The following RYR2 variants were observed in gnomAD, a reference collection of about 807,000 sequenced individuals.
The protein encoded by RYR2 is cardiac muscle ryanodine receptor-calcium release channel.
A neutral mutation model predicts 601.1 loss-of-function variants in RYR2; 227 were observed. That is an observed-to-expected ratio of 0.38 (90% CI 0.34 to 0.42). The LOEUF is 0.42. Among genes scored for constraint, RYR2 ranks in the 10% least tolerant of loss-of-function variants. The pLI, the probability that RYR2 is intolerant of heterozygous loss-of-function variation, is 1.00. For missense variants in RYR2, 4,646 were observed against 6,156.5 expected, an observed-to-expected ratio of 0.75 and a Z score of 8.21; for synonymous variants, 2,223 against 2,175.1, an observed-to-expected ratio of 1.02 and a Z score of -0.61.
intron 12 of RYR2, among the ~76,000 whole-genome samples, chr1:237,426,652 C>T (rs1237376311): frequency 1.3e-5 from 2 of 152,172 alleles, no homozygotes; most frequent in Non-Finnish European, 2.9e-5. Flanking sequence ...AATTGATATC[C>T]TTCCAGCAAA....
intron 42 of RYR2, among the ~76,000 whole-genome samples, chr1:237,632,241 G>A (rs546852849): frequency 7.1e-5 from 10 of 141,118 alleles, no homozygotes; most frequent in Middle Eastern, 3.6e-3. Context: ...TTCTCATCAC[G>A]TTACCAGTCC....
intron 10 of RYR2, among the ~76,000 whole-genome samples, chr1:237,393,118 TG>T (rs1702525454): frequency 6.6e-6 from 1 of 152,018 alleles, no homozygotes; most frequent in South Asian, 2.1e-4. Flanking sequence ...TTTTGTGGGG[TG>T]GTATGACGGA....
chr1:237,466,969 G>A (rs533501682), intron 16 of RYR2, among the ~76,000 whole-genome samples: 55 of 151,686 alleles, frequency 3.6e-4, no homozygotes, highest in Non-Finnish European at 6.8e-4. Flanking sequence ...TTTATACCAT[G>A]TCTGTTTGCA....
At chr1:237,592,414 T>C (rs558129387) in intron 32 of RYR2, among the ~76,000 whole-genome samples, 14 of 152,064 alleles carry the variant, frequency 9.2e-5, no homozygotes, top group Non-Finnish European at 1.8e-4. Context: ...GGATGGATCA[T>C]CTGAGGTCAA....
intron 27 of RYR2, among the ~76,000 whole-genome samples, chr1:237,553,368 C>T (rs1670590652): frequency 1.3e-5 from 2 of 152,004 alleles, no homozygotes; most frequent in Admixed American, 1.3e-4. Context: ...TTAGTCAAAA[C>T]CTATTGAACA....
chr1:237,813,302 C>T (rs557202929), intron 100 of RYR2, among the ~76,000 whole-genome samples: 1 of 152,194 alleles, frequency 6.6e-6, no homozygotes, highest in Non-Finnish European at 1.5e-5. Context: ...CTACCAGCCT[C>T]AGGGCAGAAA....
chr1:237,370,661 AT>A (rs141088160), intron 6 of RYR2, among the ~76,000 whole-genome samples: 5,681 of 133,556 alleles, frequency 0.043, 326 homozygotes, highest in African/African-American at 0.14. Context: ...GTTTCATTCC[AT>A]TTTTTTTTTT....
chr1:237,436,550 A>G (rs1423258971), intron 12 of RYR2, among the ~76,000 whole-genome samples: 1 of 145,288 alleles, frequency 6.9e-6, no homozygotes, highest in Non-Finnish European at 1.5e-5. Context: ...CTTACCACGT[A>G]ACATTTTTAG....
intron 16 of RYR2, among the ~76,000 whole-genome samples, chr1:237,464,102 G>A (rs1195999636): frequency 6.6e-6 from 1 of 152,194 alleles, no homozygotes; most frequent in African/African-American, 2.4e-5. Flanking sequence ...AGAATAACAC[G>A]TGTGTACATA....
At chr1:237,511,550 G>A (rs1665901338) in intron 23 of RYR2, 138 bp from the exon 24 acceptor site, 1 of 632,128 alleles carries the variant, frequency 1.6e-6, no homozygotes, top group Non-Finnish European at 2.9e-6. Context: ...CTGAGAGGTT[G>A]TGGGGGCAGC....
At chr1:237,787,849 A>G (rs1657839825) in intron 91 of RYR2, 139 bp from the exon 92 acceptor site, 4 of 778,732 alleles carry the variant, frequency 5.1e-6, no homozygotes, top group Non-Finnish European at 8.2e-6. Flanking sequence ...TCAGAATATT[A>G]TCATTCACCG....
At chr1:237,246,092 T>C (rs1686792967) in intron 1 of RYR2, among the ~76,000 whole-genome samples, 2 of 151,030 alleles carry the variant, frequency 1.3e-5, no homozygotes, top group Admixed American at 1.3e-4. Flanking sequence ...TCTGTTTTCT[T>C]TCCTTTTCTT....
intron 63 of RYR2, among the ~76,000 whole-genome samples, chr1:237,691,131 C>T (rs560049897): frequency 2.0e-5 from 3 of 152,294 alleles, no homozygotes; most frequent in South Asian, 4.1e-4. Context: ...ATTTAAGCTT[C>T]ACATATTCCC....
At chr1:237,476,085 CT>C (rs1661361630) in intron 17 of RYR2, among the ~76,000 whole-genome samples, 1 of 152,186 alleles carries the variant, frequency 6.6e-6, no homozygotes, top group Admixed American at 6.5e-5. Context: ...CTGAGTTTGA[CT>C]TTTTGTGTAG....
At chr1:237,372,529 CAT>C (rs1360778786) in intron 6 of RYR2, among the ~76,000 whole-genome samples, 1 of 152,118 alleles carries the variant, frequency 6.6e-6, no homozygotes, top group Non-Finnish European at 1.5e-5. Flanking sequence ...TATAAAACAA[CAT>C]AAAACAGTTT....
chr1:237,312,704 A>G (rs1157912998), intron 2 of RYR2, among the ~76,000 whole-genome samples: 3 of 152,200 alleles, frequency 2.0e-5, no homozygotes, highest in African/African-American at 7.2e-5. Flanking sequence ...CTAATCAAAT[A>G]AAGAGCTTAG....
At chr1:237,728,573 C>T (rs1353275774) in intron 76 of RYR2, among the ~76,000 whole-genome samples, 3 of 151,974 alleles carry the variant, frequency 2.0e-5, no homozygotes, top group Non-Finnish European at 4.4e-5. Context: ...GAAAAAGTGG[C>T]ACATATACAC....
At chr1:237,274,053 A>G (rs1224363261) in intron 2 of RYR2, among the ~76,000 whole-genome samples, 1 of 147,006 alleles carries the variant, frequency 6.8e-6, no homozygotes, top group African/African-American at 2.5e-5. Context: ...TTTATAATAT[A>G]TTATAAATAT....
At chr1:237,796,965 A>T (rs1659325939) in intron 96 of RYR2, among the ~76,000 whole-genome samples, 2 of 151,956 alleles carry the variant, frequency 1.3e-5, no homozygotes, top group Admixed American at 6.6e-5. Context: ...TTGTATATTT[A>T]GTAAAGACAA....
Sources: allele counts gnomAD v4.1 joint callset (sites outside exome capture counted in the v4.1 genomes callset), GRCh38; gene constraint gnomAD v4.1.1; transcripts MANE v1.5; gene names NCBI Gene and HGNC (gene_info 2026-07-23, HGNC 2026-07-21).